GRIN2A: variants seen among roughly 807,000 people sequenced by gnomAD.
The protein encoded by GRIN2A is glutamate ionotropic receptor NMDA type subunit 2A.
Under a neutral mutation model 113.4 loss-of-function variants are expected in GRIN2A, and 22 were observed. The ratio of observed to expected loss-of-function variants is 0.19; its 90% confidence interval spans 0.14 to 0.28. GRIN2A has a LOEUF of 0.28. GRIN2A is among the 10% of genes least tolerant of loss of function. The probability of loss-of-function intolerance (pLI) is 1.00; values close to 1 mark genes in which losing one functional copy is unlikely to be tolerated. For missense variants in GRIN2A, 1,502 were observed against 1,887.0 expected, an observed-to-expected ratio of 0.80 and a Z score of 3.78; for synonymous variants, 827 against 738.4, an observed-to-expected ratio of 1.12 and a Z score of -1.94.
intron 4 of GRIN2A, among the ~76,000 whole-genome samples, chr16:9,862,427 C>A (rs541925701): frequency 6.6e-6 from 1 of 152,124 alleles, no homozygotes; most frequent in Non-Finnish European, 1.5e-5. Context: ...TTCATAGAAA[C>A]GTGTTTTGAT....
intron 10 of GRIN2A, among the ~76,000 whole-genome samples, chr16:9,818,884 T>G (rs973770495): frequency 2.6e-5 from 4 of 152,240 alleles, no homozygotes; most frequent in Non-Finnish European, 5.9e-5. Flanking sequence ...AGAAATTTAT[T>G]CTACACTGAA....
At chr16:10,173,292 T>A (rs2142364843) in intron 2 of GRIN2A, among the ~76,000 whole-genome samples, 1 of 152,356 alleles carries the variant, frequency 6.6e-6, no homozygotes, top group African/African-American at 2.4e-5. Context: ...TCTCAGTGTT[T>A]AATGGGAAGG....
At chr16:9,779,860 C>A (rs146681243) in intron 11 of GRIN2A, among the ~76,000 whole-genome samples, 1 of 152,138 alleles carries the variant, frequency 6.6e-6, no homozygotes, top group Admixed American at 6.5e-5. Flanking sequence ...AGAGCACATG[C>A]GGGTGGCAGA....
chr16:10,131,470 CA>C (rs1348444833), intron 2 of GRIN2A, among the ~76,000 whole-genome samples: 2 of 122,434 alleles, frequency 1.6e-5, no homozygotes, highest in South Asian at 3.7e-4. Context: ...CCACTTATCC[CA>C]TTTTTTTTTT....
intron 2 of GRIN2A, among the ~76,000 whole-genome samples, chr16:10,105,755 A>C (rs2048487582): frequency 1.3e-5 from 2 of 152,056 alleles, no homozygotes; most frequent in South Asian, 4.2e-4. Flanking sequence ...AAAAATACAA[A>C]AATTAGCTGG....
At chr16:10,041,472 C>A (rs1051509279) in intron 2 of GRIN2A, among the ~76,000 whole-genome samples, 1 of 152,126 alleles carries the variant, frequency 6.6e-6, no homozygotes, top group Non-Finnish European at 1.5e-5. Context: ...TTTGAACAAG[C>A]TAGGGAAGTT....
chr16:10,058,818 A>G (rs1165966551), intron 2 of GRIN2A, among the ~76,000 whole-genome samples: 2 of 152,250 alleles, frequency 1.3e-5, no homozygotes, highest in African/African-American at 2.4e-5. Context: ...TGCTAGCAAT[A>G]TACAAGGCCA....
At chr16:9,894,261 C>T (rs1295792664) in intron 3 of GRIN2A, among the ~76,000 whole-genome samples, 1 of 152,110 alleles carries the variant, frequency 6.6e-6, no homozygotes, top group East Asian at 1.9e-4. Context: ...GAAGCCAGAT[C>T]ATAATGGACA....
At chr16:10,044,088 CTG>C (rs2047219448) in intron 2 of GRIN2A, among the ~76,000 whole-genome samples, 1 of 150,902 alleles carries the variant, frequency 6.6e-6, no homozygotes, top group Non-Finnish European at 1.5e-5. Context: ...GTGCCTCACT[CTG>C]TAGCCCAGGC....
At chr16:9,988,277 G>GTGTGCA (rs1322907240) in intron 2 of GRIN2A, among the ~76,000 whole-genome samples, 2 of 102,076 alleles carry the variant, frequency 2.0e-5, no homozygotes, top group African/African-American at 9.2e-5. Flanking sequence ...GGGTGTGTGT[G>GTGTGCA]TGTGTGCGTG....
chr16:10,039,384 C>T (rs1206759073), intron 2 of GRIN2A, among the ~76,000 whole-genome samples: 2 of 152,208 alleles, frequency 1.3e-5, no homozygotes, highest in Admixed American at 1.3e-4. Context: ...TCCCCAGGGT[C>T]TCAGGTAAAT....
At chr16:10,172,002 C>T (rs1047433078) in intron 2 of GRIN2A, among the ~76,000 whole-genome samples, 2 of 152,204 alleles carry the variant, frequency 1.3e-5, no homozygotes, top group African/African-American at 4.8e-5. Context: ...TAATGACATT[C>T]TTTAAAAGAT....
At chr16:10,094,883 C>CAAAAAA (rs58041208) in intron 2 of GRIN2A, among the ~76,000 whole-genome samples, 3 of 117,444 alleles carry the variant, frequency 2.6e-5, no homozygotes, top group Non-Finnish European at 3.5e-5. Flanking sequence ...GAATGTGCAC[C>CAAAAAA]AAAAAAAAAA....
At chr16:9,777,088 A>G (rs762933055) in intron 11 of GRIN2A, among the ~76,000 whole-genome samples, 1 of 152,164 alleles carries the variant, frequency 6.6e-6, no homozygotes, top group Non-Finnish European at 1.5e-5. Flanking sequence ...TGAGGGCCCA[A>G]CTTCATTAAT....
At chr16:9,790,892 G>A (rs1367436668) in intron 11 of GRIN2A, among the ~76,000 whole-genome samples, 1 of 152,186 alleles carries the variant, frequency 6.6e-6, no homozygotes, top group African/African-American at 2.4e-5. Flanking sequence ...ACAGCAACAG[G>A]GGTGGACATG....
chr16:10,144,134 A>G (rs1021457426), intron 2 of GRIN2A, among the ~76,000 whole-genome samples: 1 of 152,182 alleles, frequency 6.6e-6, no homozygotes, highest in Admixed American at 6.5e-5. Flanking sequence ...AGATAGTTCC[A>G]TTACGCTGGT....
chr16:9,974,635 C>T (rs952800183), intron 2 of GRIN2A, among the ~76,000 whole-genome samples: 3 of 152,152 alleles, frequency 2.0e-5, no homozygotes, highest in Non-Finnish European at 4.4e-5. Context: ...GTTTTGTCTG[C>T]GGCTCGTCCT....
At chr16:10,164,389 C>T (rs1294058884) in intron 2 of GRIN2A, among the ~76,000 whole-genome samples, 1 of 152,160 alleles carries the variant, frequency 6.6e-6, no homozygotes, top group African/African-American at 2.4e-5. Context: ...CCCCGCAAAA[C>T]CTCACCCTGC....
At chr16:9,919,506 C>A (rs2044318139) in intron 3 of GRIN2A, among the ~76,000 whole-genome samples, 1 of 152,024 alleles carries the variant, frequency 6.6e-6, no homozygotes, top group Non-Finnish European at 1.5e-5. Flanking sequence ...CCCACCAAGG[C>A]CTGCATGGTA....
Sources: gnomAD v4.1 joint callset for allele counts (sites outside exome capture counted in the v4.1 genomes callset) on GRCh38, gnomAD v4.1.1 for gene constraint, MANE v1.5 for transcripts, NCBI Gene and HGNC (gene_info 2026-07-23, HGNC 2026-07-21) for gene names.